The following CCDC149 variants were observed in gnomAD, a reference collection of about 807,000 sequenced individuals.
The protein encoded by CCDC149 is coiled-coil domain-containing protein 149.
CCDC149 carries 45 observed loss-of-function variants against 59.9 expected under a neutral mutation model. The ratio of observed to expected loss-of-function variants is 0.75; its 90% CI spans 0.59 to 0.96. The LOEUF (loss-of-function observed/expected upper bound fraction) is 0.96. Among genes scored for constraint, CCDC149 ranks in the 40% least tolerant of loss-of-function variants. CCDC149 has a pLI of 0.00. For synonymous variants in CCDC149, 245 were observed against 260.6 expected (o/e 0.94, Z 0.58); for missense variants, 584 against 664.7 (o/e 0.88, Z 1.33).
chr4:24,916,310 G>C (rs893618107), upstream of CCDC149, among the ~76,000 whole-genome samples: 1 of 152,172 alleles, frequency 6.6e-6, no homozygotes, highest in Non-Finnish European at 1.5e-5. Flanking sequence ...TTAAAAGTTT[G>C]AGAGGGTTTT....
chr4:24,830,284 G>A (rs1338870065), intron 9 of CCDC149: 4 of 152,272 alleles, frequency 2.6e-5, no homozygotes, highest in South Asian at 2.1e-4. Context: ...AGGACATTTC[G>A]TGCTGCAGGG....
chr4:24,898,034 G>A (rs1478395298), intron 1 of CCDC149, among the ~76,000 whole-genome samples: 2 of 152,172 alleles, frequency 1.3e-5, no homozygotes, highest in African/African-American at 4.8e-5. Context: ...CTTGGTCGTG[G>A]GGTCTGCAGA....
intron 1 of CCDC149, among the ~76,000 whole-genome samples, chr4:24,947,901 C>A (rs1723165969): frequency 6.6e-6 from 1 of 151,876 alleles, no homozygotes; most frequent in Non-Finnish European, 1.5e-5. Flanking sequence ...CAAATAATTT[C>A]ACTGGAGAGG....
chr4:24,869,555 G>T (rs2109228669), intron 3 of CCDC149, among the ~76,000 whole-genome samples: 1 of 152,352 alleles, frequency 6.6e-6, no homozygotes, highest in East Asian at 1.9e-4. Flanking sequence ...GCCAAGAGCT[G>T]TGCTGGACAG....
intron 1 of CCDC149, among the ~76,000 whole-genome samples, chr4:24,969,468 G>A (rs1319129797): frequency 6.6e-6 from 1 of 152,214 alleles, no homozygotes; most frequent in African/African-American, 2.4e-5. Flanking sequence ...TGGACATAAA[G>A]TGGGGATTCC....
intron 8 of CCDC149, among the ~76,000 whole-genome samples, chr4:24,831,876 A>G (rs903776513): frequency 1.3e-5 from 2 of 152,250 alleles, no homozygotes; most frequent in African/African-American, 4.8e-5. Context: ...TTTTAAGAAG[A>G]TAATAATATT....
intron 1 of CCDC149, among the ~76,000 whole-genome samples, chr4:24,896,223 A>G (rs1720837835): frequency 6.6e-6 from 1 of 152,236 alleles, no homozygotes; most frequent in South Asian, 2.1e-4. Context: ...TGAGGTCATT[A>G]CCACCTGCTC....
chr4:24,816,094 A>T (rs1044590704), intron 12 of CCDC149, among the ~76,000 whole-genome samples: 5 of 151,480 alleles, frequency 3.3e-5, no homozygotes, highest in Non-Finnish European at 7.4e-5. Context: ...TTTTAATTTA[A>T]TTTTTTTTTC....
intron 1 of CCDC149, among the ~76,000 whole-genome samples, chr4:24,880,802 C>T (rs1719791115): frequency 6.6e-6 from 1 of 152,176 alleles, no homozygotes; most frequent in South Asian, 2.1e-4. Flanking sequence ...ATGGGCTCAT[C>T]ATGAACTGCA....
intron 1 of CCDC149, among the ~76,000 whole-genome samples, chr4:24,948,329 A>C (rs1264981589): frequency 6.6e-6 from 1 of 152,176 alleles, no homozygotes; most frequent in Non-Finnish European, 1.5e-5. Context: ...TTGTGAAATA[A>C]AAAGGTTGAT....
chr4:24,973,864 G>C (rs1365646638), intron 1 of CCDC149, among the ~76,000 whole-genome samples: 1 of 152,242 alleles, frequency 6.6e-6, no homozygotes. Context: ...TTGGGTTTGG[G>C]GTTATGGAAG....
At chr4:24,945,708 G>A (rs917135810) in intron 1 of CCDC149, among the ~76,000 whole-genome samples, 40 of 149,592 alleles carry the variant, frequency 2.7e-4, no homozygotes, top group African/African-American at 8.9e-4. Context: ...TGCAACCTCC[G>A]CCTCCCAGGT....
At chr4:24,881,605 CTCAACCCA>C (rs1719844799) in intron 1 of CCDC149, among the ~76,000 whole-genome samples, 1 of 152,138 alleles carries the variant, frequency 6.6e-6, no homozygotes, top group Non-Finnish European at 1.5e-5. Context: ...TGAAGCATAA[CTCAACCCA>C]TCCTGACTCA....
At position 24,967,147 on chromosome 4, in the gene CCDC149, TG is replaced by T. The variant is rs113808571; in HGVS notation, c.-65+12921del. Among the ~76,000 whole-genome samples, 748 of 152,298 alleles carry T rather than the reference TG, an allele frequency of 4.9e-3. 10 individuals carry two copies. Among genetic ancestry groups the T allele is most frequent in the African/African-American group, 0.017 (707 of 41,562 alleles). On this transcript the variant is annotated intron_variant, in intron 1 of 12. Coordinates refer to the CCDC149 transcript ENST00000389609. The stretch of plus-strand genomic sequence containing the variant: ...ACATTCTGGAGGTGGATATTTTGCA[TG>T]GCCTGGCATTACAAGCCATGGCCAG...
At chr4:24,906,166 T>G (rs1294958280) in intron 1 of CCDC149, among the ~76,000 whole-genome samples, 4 of 152,180 alleles carry the variant, frequency 2.6e-5, no homozygotes, top group African/African-American at 9.7e-5. Flanking sequence ...GCATCTTTCT[T>G]ACAGTGGCTT....
At chr4:24,907,358 C>T (rs539529981) in intron 1 of CCDC149, among the ~76,000 whole-genome samples, 61 of 152,166 alleles carry the variant, frequency 4.0e-4, no homozygotes, top group African/African-American at 1.4e-3. Context: ...GAAAAGAAGC[C>T]CCCCAATTTT....
At chr4:24,805,989 T>A (rs1714137367), downstream of CCDC149, 1 of 152,240 alleles carries the variant, frequency 6.6e-6, no homozygotes, top group African/African-American at 2.4e-5. Context: ...CCCTACCGCT[T>A]AAGTTTCTGT....
chr4:24,845,926 C>G (rs1422705737), intron 4 of CCDC149, among the ~76,000 whole-genome samples: 1 of 152,196 alleles, frequency 6.6e-6, no homozygotes, highest in Non-Finnish European at 1.5e-5. Flanking sequence ...TTTAAAGAAG[C>G]TCTGATTTAT....
At chr4:24,912,719 C>A (rs1012195478) in intron 1 of CCDC149, 98 bp downstream of exon 1, 28 of 875,244 alleles carry the variant, frequency 3.2e-5, no homozygotes, top group Admixed American at 2.0e-4. Context: ...GCGCGCCCCC[C>A]TCTCGTCCCT....
Sources: allele counts gnomAD v4.1 joint callset (sites outside exome capture counted in the v4.1 genomes callset), GRCh38; gene constraint gnomAD v4.1.1; transcripts MANE v1.5; gene names NCBI Gene and HGNC (gene_info 2026-07-23, HGNC 2026-07-21).